The following A2ML1 variants were observed in gnomAD, a reference collection of about 807,000 sequenced individuals.
The protein encoded by A2ML1 is alpha-2-macroglobulin like 1.
Under a neutral mutation model 181.9 loss-of-function variants are expected in A2ML1, and 161 were observed. The observed-to-expected ratio is 0.89, with a 90% CI of 0.78 to 1.01. A2ML1 has a LOEUF of 1.01. Among genes scored for constraint, A2ML1 ranks in the 50% least tolerant of loss-of-function variants. The pLI is 0.00. For synonymous variants in A2ML1, 663 were observed against 666.8 expected (o/e 0.99, Z 0.09); for missense variants, 1,670 against 1,768.1 (o/e 0.94, Z 1.00).
rs74061839 is a variant in A2ML1, at chr12:8,844,877, C to G, written c.1477-565C>G. The G allele has an allele frequency of 5.0e-3, 3,503 of 704,472 alleles. 102 individuals carry two copies. The African/African-American group carries it at 0.058, about 12-fold the overall frequency. 43.6% of individuals were successfully genotyped at this position (704,472 alleles called of 1,614,324 possible). A position where few individuals can be genotyped will look rare whatever the true frequency, so the allele number is the denominator to read the frequency against. ...AATGCTGGGCAGGCGTCCAAGGAAC[C>G]GACCTTGGAGCCCTGCAGGAGCGTG... On this transcript the variant is annotated intron_variant, in intron 12 of 35. Transcript: ENST00000299698.
At position 8,848,590 on chromosome 12, in the gene A2ML1, A is replaced by G. The variant is rs1943782680; in HGVS notation, c.1834-130A>G. ...GAAAGGTAATTATGACAGAATGAAT[A>G]TAAAAATAATTCTGAAGTAATAAAG... On this transcript the variant is annotated intron_variant, in intron 15 of 35. Transcript: ENST00000299698. 4.4e-6 allele frequency: 3 copies of G among 684,660 alleles called. No homozygotes were observed. In the East Asian group the frequency reaches 9.2e-5, roughly 21 times the overall value. The allele number at this position is 684,660 out of a possible 1,614,324, so 42.4% of individuals were successfully genotyped here.
intron 4 of A2ML1, among the ~76,000 whole-genome samples, chr12:8,832,729 G>A (rs141813399): frequency 1.8e-4 from 27 of 152,270 alleles, no homozygotes; most frequent in Middle Eastern, 3.4e-3. Context: ...GAGAGGGGGC[G>A]TAGTGAGGGT....
At chr12:8,858,660 A>G (rs79794342) in intron 26 of A2ML1, among the ~76,000 whole-genome samples, 5,197 of 152,232 alleles carry the variant, frequency 0.034, 335 homozygotes, top group African/African-American at 0.12. Context: ...TTGGCATCAC[A>G]TGGGAACTTG....
At position 8,855,517 on chromosome 12, in the gene A2ML1, G is replaced by T; in HGVS notation, c.2773G>T (p.Ala925Ser). 5 of 1,614,066 alleles carry T rather than the reference G, an allele frequency of 3.1e-6. No individual in the cohort carries two copies. Among genetic ancestry groups the T allele is most frequent in the Non-Finnish European group, 3.4e-6 (4 of 1,180,004 alleles). ...SSLLCPKGKVASESVSLELPV... is the reference protein window; with the variant it reads ...SSLLCPKGKVSSESVSLELPV... ...TTTTCTGCATCTCACAGGAAAGGTG[G>T]CATCTGAATCTGTCTCCCTGGAGCT... The change falls in exon 23 of 36, where the codon GCA becomes TCA. Residue 925 changes from alanine to serine, a missense_variant. By Grantham distance (99) the Ala-to-Ser change is moderately conservative (BLOSUM62 1). Coordinates refer to ENST00000299698, the MANE Select transcript of A2ML1 (RefSeq NM_144670.6).
intron 5 of A2ML1, 100 bp downstream of exon 5, chr12:8,834,782 C>A: frequency 6.8e-7 from 1 of 1,463,572 alleles, no homozygotes; most frequent in Non-Finnish European, 9.5e-7. Context: ...GAGATCTTGG[C>A]CCAGAGCCCC....
At position 8,849,836 on chromosome 12, in the gene A2ML1, T is replaced by A. The variant is rs540688498; in HGVS notation, c.2119+77T>A. Reference sequence around the variant, plus strand: ...ACTCTGCAGATTTCCTCTTGCCTCCTGTTCTTGCACTGAGCCTCTAGCCCG... The same window carrying A: ...ACTCTGCAGATTTCCTCTTGCCTCCAGTTCTTGCACTGAGCCTCTAGCCCG... On this transcript the variant is annotated intron_variant, in intron 17 of 35. Coordinates refer to ENST00000299698, the MANE Select transcript of A2ML1 (RefSeq NM_144670.6). 6 of 1,387,810 alleles carry A rather than the reference T, an allele frequency of 4.3e-6. No homozygotes were observed. The South Asian group carries it at 6.0e-5, about 14-fold the overall frequency. 86.0% of individuals were successfully genotyped at this position (1,387,810 alleles called of 1,614,324 possible).
chr12:8,857,138 C>G (rs776966689), intron 23 of A2ML1, 26 bp from the exon 24 acceptor site: 2 of 1,604,168 alleles, frequency 1.2e-6, no homozygotes. Context: ...GTACCCCTAC[C>G]TTCTCTCTCT....
At chr12:8,843,395 G>A (rs1943558694) in intron 12 of A2ML1, 34 bp downstream of exon 12, 1 of 1,597,570 alleles carries the variant, frequency 6.3e-7, no homozygotes, top group African/African-American at 1.3e-5. Context: ...GTGAGAGTAT[G>A]CTGGGAAGGA....
chr12:8,843,863 C>T (rs1045157576), intron 12 of A2ML1, among the ~76,000 whole-genome samples: 5 of 151,918 alleles, frequency 3.3e-5, no homozygotes, highest in African/African-American at 7.2e-5. Context: ...GGACTACAGG[C>T]GCCCGCCACC....
At position 8,826,744 on chromosome 12, in the gene A2ML1, G is replaced by A. The variant is rs573978981; in HGVS notation, c.409+2862G>A. Among the ~76,000 whole-genome samples the A allele has an allele frequency of 1.2e-4, 18 of 152,086 alleles. No homozygotes were observed. In the South Asian group the frequency reaches 1.2e-3, roughly 11 times the overall value. ...AGTGATTCTCCTGCCTCAGCCTCCCGAGTAGCTGGGTTTACAGGTGAGCGC... is the reference window on the plus strand; with the variant it reads ...AGTGATTCTCCTGCCTCAGCCTCCCAAGTAGCTGGGTTTACAGGTGAGCGC... On this transcript the variant is annotated intron_variant, in intron 3 of 35. Transcript: ENST00000299698.
intron 4 of A2ML1, among the ~76,000 whole-genome samples, chr12:8,833,686 G>A (rs867098950): frequency 5.3e-5 from 8 of 152,278 alleles, no homozygotes; most frequent in Admixed American, 2.0e-4. Context: ...GTGAGCCACC[G>A]TGTCTGGCCT....
chr12:8,846,395 C>T (rs2136839231), intron 14 of A2ML1, among the ~76,000 whole-genome samples, 173 bp downstream of exon 14: 1 of 152,222 alleles, frequency 6.6e-6, no homozygotes, highest in East Asian at 1.9e-4. Flanking sequence ...CATCTCTCTC[C>T]TACTTTTTAT....
rs775866937 is a variant in A2ML1, at chr12:8,843,245, G to T, written c.1360G>T (p.Gly454Cys). The T allele has an allele frequency of 3.7e-6, 6 of 1,614,064 alleles. No homozygotes were observed. Among genetic ancestry groups the T allele is most frequent in the African/African-American group, 1.3e-5 (1 of 74,918 alleles). Residue 454 changes from glycine to cysteine, a missense_variant, in exon 12 of 36, where the codon GGC becomes TGC. Transcript: ENST00000299698. Reference protein sequence around the residue: ...PFYSTTRSFLGIHRLNGPLKC... With the variant: ...PFYSTTRSFLCIHRLNGPLKC... ...CTACAGCACAACCCGCAGCTTCCTT[G>T]GCATCCACCGGCTAAACGGCCCCTT...
chr12:8,869,235 G>T, intron 33 of A2ML1, 32 bp downstream of exon 33: 1 of 1,603,728 alleles, frequency 6.2e-7, no homozygotes, highest in Non-Finnish European at 8.5e-7. Flanking sequence ...CAAAGAGCTG[G>T]ATTGCTTACG....
chr12:8,859,288 A>G (rs776408242), intron 26 of A2ML1, among the ~76,000 whole-genome samples: 48 of 151,210 alleles, frequency 3.2e-4, no homozygotes, highest in African/African-American at 1.1e-3. Flanking sequence ...AAAAATCTTG[A>G]GTGTTAAAAA....
intron 3 of A2ML1, among the ~76,000 whole-genome samples, chr12:8,826,649 G>C (rs1249387251): frequency 6.6e-6 from 1 of 151,974 alleles, no homozygotes; most frequent in African/African-American, 2.4e-5. Flanking sequence ...TTGAGATGGA[G>C]TCTCATTCTG....
intron 22 of A2ML1, 37 bp from the exon 23 acceptor site, chr12:8,855,472 T>C: frequency 1.2e-6 from 2 of 1,602,634 alleles, no homozygotes; most frequent in Non-Finnish European, 1.7e-6. Context: ...CCATTCCCCA[T>C]CTTCTATTGT....
chr12:8,862,851 C>T (rs2136938819), intron 28 of A2ML1, among the ~76,000 whole-genome samples: 1 of 152,106 alleles, frequency 6.6e-6, no homozygotes, highest in East Asian at 1.9e-4. Context: ...GATTGCCCTT[C>T]TGTGGTTACT....
intron 12 of A2ML1, among the ~76,000 whole-genome samples, chr12:8,843,725 T>C (rs1422211359): frequency 1.3e-5 from 2 of 149,950 alleles, no homozygotes; most frequent in South Asian, 2.1e-4. Flanking sequence ...TTTTTTCTTT[T>C]TTTTTTTTTT....
Sources: gnomAD v4.1 joint callset for allele counts (sites outside exome capture counted in the v4.1 genomes callset) on GRCh38, gnomAD v4.1.1 for gene constraint, MANE v1.5 for transcripts, NCBI Gene and HGNC (gene_info 2026-07-23, HGNC 2026-07-21) for gene names.